Variants in NBPF11 observed in about 807,000 individuals in gnomAD.
The protein encoded by NBPF11 is NBPF family member NBPF11.
Under a neutral mutation model 93.9 loss-of-function variants are expected in NBPF11, and 72 were observed. That is an observed-to-expected ratio of 0.77 (90% CI 0.63 to 0.93). The LOEUF (loss-of-function observed/expected upper bound fraction) is 0.93, where lower values mean the gene tolerates loss of function less well. NBPF11 is among the 40% of genes least tolerant of loss of function. NBPF11 has a pLI of 0.00. For synonymous variants in NBPF11, 224 were observed against 304.9 expected (o/e 0.73, Z 2.76); for missense variants, 705 against 802.2 (o/e 0.88, Z 1.46).
chr1:148,136,957 A>T lies in NBPF11; in HGVS notation c.-178+754T>A, dbSNP rs1350120208. On this transcript the variant is annotated intron_variant, in intron 3 of 23. Coordinates refer to ENST00000682118, the MANE Select transcript of NBPF11 (RefSeq NM_001385469.3). ...TTGAACTAATGCTTTAATGACATGA[A>T]ATCTGGAAACCTCAGGGGAGAGGGT... 8.6e-5 allele frequency among the ~76,000 whole-genome samples: 13 copies of T among 151,902 alleles called. 1 individual carries two copies. The highest frequency in any genetic ancestry group is 6.8e-3 in the Middle Eastern group (2 of 294).
At position 148,124,990 on chromosome 1, in the gene NBPF11, A is replaced by G. The variant is rs1258255804; in HGVS notation, c.187T>C (p.Cys63Arg). 6.3e-7 allele frequency: 1 copy of G among 1,589,758 alleles called. No individual in the cohort carries two copies. The highest frequency in any genetic ancestry group is 1.3e-5 in the African/African-American group (1 of 74,314). The change falls in exon 6 of 24, where the codon TGT becomes CGT. Residue 63 changes from cysteine (C) to arginine (R), a missense_variant. Physicochemically the swap from Cys to Arg is radical, Grantham distance 180. This residue lies in a region of NBPF11 where 128 missense variants were observed against 112.8 expected (regional missense o/e 1.14). Transcript: ENST00000682118. Reference protein sequence around the residue: ...NRQKKYKYEECKDLIKFMLRN... With the variant: ...NRQKKYKYEERKDLIKFMLRN... ...AGCATAAATTTTATGAGGTCTTTACACTCTTCATACTCTGAGAAAAGACAG... is the reference window on the plus strand; with the variant it reads ...AGCATAAATTTTATGAGGTCTTTACGCTCTTCATACTCTGAGAAAAGACAG...
intron 4 of NBPF11, among the ~76,000 whole-genome samples, chr1:148,133,647 TA>T (rs1397897663): frequency 3.3e-5 from 5 of 151,854 alleles, no homozygotes; most frequent in Non-Finnish European, 7.4e-5. Flanking sequence ...TTTTTAAATA[TA>T]AAAAAGAGGC....
At chr1:148,149,476 C>A (rs1407957987) in intron 1 of NBPF11, 1 of 1,590,670 alleles carries the variant, frequency 6.3e-7, no homozygotes, top group African/African-American at 1.4e-5. Flanking sequence ...GGGTGGAGGG[C>A]GCCGGGCACA....
chr1:148,103,944 C>A (rs1662893071), intron 23 of NBPF11, 32 bp from the exon 24 acceptor site: 1 of 1,610,246 alleles, frequency 6.2e-7, no homozygotes, highest in Non-Finnish European at 8.5e-7. Context: ...AAGAAGCAGC[C>A]AGGGAAAATC....
chr1:148,145,063 A>C (rs1416917194), intron 1 of NBPF11, among the ~76,000 whole-genome samples: 2 of 149,572 alleles, frequency 1.3e-5, no homozygotes, highest in East Asian at 1.9e-4. Flanking sequence ...AGATTATGCC[A>C]ACACACTTCA....
chr1:148,135,010 G>T (rs1671045618), intron 4 of NBPF11: 2 of 150,132 alleles, frequency 1.3e-5, no homozygotes, highest in South Asian at 2.1e-4. Context: ...CATCATAAAA[G>T]AAATTCTTCA....
intron 15 of NBPF11, among the ~76,000 whole-genome samples, chr1:148,112,725 C>T (rs1470233875): frequency 4.1e-5 from 6 of 146,124 alleles, no homozygotes; most frequent in Non-Finnish European, 6.0e-5. Context: ...TGAGGAATTG[C>T]CACACTGCCT....
intron 15 of NBPF11, among the ~76,000 whole-genome samples, chr1:148,112,673 A>G (rs9793864): frequency 7.0e-6 from 1 of 143,856 alleles, no homozygotes; most frequent in South Asian, 2.2e-4. Context: ...ACACCCAGTA[A>G]TGGGATGGCT....
chr1:148,145,201 C>G (rs1374655920), intron 1 of NBPF11, among the ~76,000 whole-genome samples: 1 of 75,624 alleles, frequency 1.3e-5, no homozygotes. Context: ...TTTTTTCTTT[C>G]TTTTTTTTTT....
At position 148,106,538 on chromosome 1, in the gene NBPF11, G is replaced by A. The variant is rs1663664969; in HGVS notation, c.2252-306C>T. ...AGAAAATGCCCCAGAGGATTTCTAG[G>A]AGGAAAACTAAAGTATTCAGCCCTG... On this transcript the variant is annotated intron_variant, in intron 20 of 23. Transcript: ENST00000682118. Among the ~76,000 whole-genome samples, 2 of 137,754 alleles carry A rather than the reference G, an allele frequency of 1.5e-5. 1 individual carries two copies. The highest frequency in any genetic ancestry group is 6.0e-5 in the African/African-American group (2 of 33,214). The allele number at this position is 137,754 out of a possible 152,430, so 90.4% of individuals were successfully genotyped here.
intron 4 of NBPF11, among the ~76,000 whole-genome samples, chr1:148,129,129 T>A (rs1442077670): frequency 6.9e-6 from 1 of 144,896 alleles, no homozygotes; most frequent in African/African-American, 2.6e-5. Context: ...GTATATGTAT[T>A]ATTTATATAT....
Position 148,120,388 on chromosome 1 carries a change from C to T in NBPF11, c.988+113G>A, listed in dbSNP as rs1667547507. The T allele has an allele frequency of 5.6e-6, 4 of 720,416 alleles. No homozygotes were observed. The South Asian group carries it at 5.9e-5, about 11-fold the overall frequency. 44.6% of individuals were successfully genotyped at this position (720,416 alleles called of 1,614,324 possible). A position where few individuals can be genotyped will look rare whatever the true frequency, so the allele number is the denominator to read the frequency against. On this transcript the variant is annotated intron_variant, in intron 10 of 23. Coordinates refer to ENST00000682118, the MANE Select transcript of NBPF11 (RefSeq NM_001385469.3). The stretch of plus-strand genomic sequence containing the variant: ...ATGTTAAAATACCCATTTCTGTTTT[C>T]CTAGAAGTATGGGGAGGATGACATT...
At chr1:148,105,305 A>T (rs1272299196) in intron 22 of NBPF11, 55 bp downstream of exon 22, 16 of 725,256 alleles carry the variant, frequency 2.2e-5, no homozygotes, top group Non-Finnish European at 3.2e-5. Context: ...CAGGAATATG[A>T]TCTTTATATG....
At chr1:148,122,699 C>T in intron 8 of NBPF11, 30 bp downstream of exon 8, 1 of 1,606,590 alleles carries the variant, frequency 6.2e-7, no homozygotes, top group Non-Finnish European at 8.5e-7. Context: ...TGTTACCACC[C>T]ATTACTTGCT....
At chr1:148,119,440 C>T (rs1461123380) in intron 10 of NBPF11, among the ~76,000 whole-genome samples, 2 of 151,846 alleles carry the variant, frequency 1.3e-5, no homozygotes, top group African/African-American at 4.9e-5. Context: ...ATTGTAGTAC[C>T]CTCTGAACAG....
rs61812011 is a variant in NBPF11, at chr1:148,122,885, T to C, written c.494-84A>G. 3,301 of 1,602,562 alleles carry C rather than the reference T, an allele frequency of 2.1e-3. 124 individuals carry two copies. In the African/African-American group the frequency reaches 0.041, roughly 20 times the overall value. ...AGCCCAACGTGCACAGAGACATGAA[T>C]ATCTATGTATGGTTCAGCATTGTAC... On this transcript the variant is annotated intron_variant, in intron 7 of 23. Transcript: ENST00000682118.
Position 148,103,741 on chromosome 1 carries a change from G to A in NBPF11, c.*155C>T, listed in dbSNP as rs1662829795. Reference sequence around the variant, plus strand: ...TCACCGTCAAAGTAAAAAACCTATTGTCCATGTCAAGGGCAAAGCTGATGT... The same window carrying A: ...TCACCGTCAAAGTAAAAAACCTATTATCCATGTCAAGGGCAAAGCTGATGT... On this transcript the variant is annotated 3_prime_UTR_variant, in exon 24 of 24. Transcript: ENST00000682118. The A allele has an allele frequency of 3.1e-6, 5 of 1,611,694 alleles. No individual in the cohort carries two copies. Among genetic ancestry groups the A allele is most frequent in the African/African-American group, 2.7e-5 (2 of 74,896 alleles).
chr1:148,111,588 C>T (rs1264667655), intron 15 of NBPF11, among the ~76,000 whole-genome samples: 16 of 150,894 alleles, frequency 1.1e-4, no homozygotes, highest in Admixed American at 2.0e-4. Context: ...AACCATGGCA[C>T]GAAAACTACG....
chr1:148,152,108 G>A lies in NBPF11; in HGVS notation c.-907C>T, dbSNP rs1163607617. 2 of 152,282 alleles carry A rather than the reference G, an allele frequency of 1.3e-5. No homozygotes were observed. The highest frequency in any genetic ancestry group is 4.8e-5 in the African/African-American group (2 of 41,460). The allele number at this position is 152,282 out of a possible 1,614,324, so 9.4% of individuals were successfully genotyped here. On this transcript the variant is annotated 5_prime_UTR_variant, in exon 1 of 24. Transcript: ENST00000682118. The stretch of plus-strand genomic sequence containing the variant: ...CCGAGAAAAGGAGTAATGGAGGACA[G>A]AGCGCAGCGGGGACGGGAAAATCCC...
Sources: gnomAD v4.1 joint callset for allele counts (sites outside exome capture counted in the v4.1 genomes callset) on GRCh38, gnomAD v4.1.1 for gene constraint, gnomAD v4.1.1 regional missense constraint, MANE v1.5 for transcripts, NCBI Gene and HGNC (gene_info 2026-07-23, HGNC 2026-07-21) for gene names.